Variants in IP6K1 observed in about 807,000 individuals in gnomAD.
IP6K1 encodes the protein inositol hexakisphosphate kinase 1.
A neutral mutation model predicts 38.3 loss-of-function variants in IP6K1; 13 were observed. The observed-to-expected ratio is 0.34, with a 90% CI of 0.22 to 0.54. The LOEUF (loss-of-function observed/expected upper bound fraction) is 0.54, where lower values mean the gene tolerates loss of function less well. Among genes scored for constraint, IP6K1 ranks in the 20% least tolerant of loss-of-function variants. The pLI is 0.92. For synonymous variants in IP6K1, 212 were observed against 229.9 expected (o/e 0.92, Z 0.70); for missense variants, 397 against 599.8 (o/e 0.66, Z 3.53).
At chr3:49,779,876 T>C (rs1238338274) in intron 1 of IP6K1, among the ~76,000 whole-genome samples, 3 of 151,938 alleles carry the variant, frequency 2.0e-5, no homozygotes, top group Non-Finnish European at 4.4e-5. Context: ...TTTGCAGAGA[T>C]GGGGTCTCAC....
chr3:49,750,118 G>A (rs566524278), intron 1 of IP6K1, among the ~76,000 whole-genome samples: 4 of 152,212 alleles, frequency 2.6e-5, no homozygotes, highest in African/African-American at 4.8e-5. Context: ...TTTCCACCAC[G>A]TAGTAAATAC....
At chr3:49,750,758 C>G (rs1160586698) in intron 1 of IP6K1, among the ~76,000 whole-genome samples, 1 of 152,006 alleles carries the variant, frequency 6.6e-6, no homozygotes, top group Non-Finnish European at 1.5e-5. Flanking sequence ...TCTGTGGCAA[C>G]TTCTGCAGCT....
chr3:49,743,919 G>A (rs955369822), intron 2 of IP6K1, among the ~76,000 whole-genome samples: 7 of 151,642 alleles, frequency 4.6e-5, no homozygotes, highest in East Asian at 2.0e-4. Flanking sequence ...CATGCCCGGC[G>A]GAGCCATGGT....
chr3:49,782,117 C>T (rs1378887758), intron 1 of IP6K1, among the ~76,000 whole-genome samples: 1 of 151,412 alleles, frequency 6.6e-6, no homozygotes, highest in African/African-American at 2.4e-5. Context: ...AATAAAAATA[C>T]TAAAGTTTAC....
At chr3:49,782,574 G>A (rs1397500989) in intron 1 of IP6K1, among the ~76,000 whole-genome samples, 3 of 152,146 alleles carry the variant, frequency 2.0e-5, no homozygotes, top group Admixed American at 2.0e-4. Flanking sequence ...ACCCGAGGCA[G>A]GAGGATCATT....
At chr3:49,744,895 A>T (rs1192537216) in intron 2 of IP6K1, among the ~76,000 whole-genome samples, 1 of 152,242 alleles carries the variant, frequency 6.6e-6, no homozygotes, top group Non-Finnish European at 1.5e-5. Context: ...ATAATATTTC[A>T]TATCTTGGCA....
intron 3 of IP6K1, among the ~76,000 whole-genome samples, 166 bp from the exon 4 acceptor site, chr3:49,733,138 G>A (rs1195948848): frequency 6.6e-6 from 1 of 152,170 alleles, no homozygotes; most frequent in African/African-American, 2.4e-5. Context: ...GTTATGAGTA[G>A]TGTTCTTCCT....
At chr3:49,784,674 C>G (rs912867067) in intron 1 of IP6K1, among the ~76,000 whole-genome samples, 19 of 150,376 alleles carry the variant, frequency 1.3e-4, no homozygotes, top group Non-Finnish European at 1.5e-4. Context: ...AGGCTTGGCG[C>G]GGTGGCTCAT....
At chr3:49,774,721 G>C (rs2080991449) in intron 1 of IP6K1, among the ~76,000 whole-genome samples, 1 of 152,158 alleles carries the variant, frequency 6.6e-6, no homozygotes, top group Non-Finnish European at 1.5e-5. Flanking sequence ...AGAACACTTA[G>C]CTAGGGCTCT....
intron 1 of IP6K1, among the ~76,000 whole-genome samples, chr3:49,781,340 G>A (rs1238957428): frequency 6.6e-6 from 1 of 152,198 alleles, no homozygotes; most frequent in East Asian, 1.9e-4. Context: ...TGGGATTACA[G>A]GCGTGACCCA....
intron 1 of IP6K1, among the ~76,000 whole-genome samples, chr3:49,769,469 G>T (rs1262150865): frequency 6.6e-6 from 1 of 152,134 alleles, no homozygotes; most frequent in Non-Finnish European, 1.5e-5. Context: ...AGAGTCAATT[G>T]TTTTTGGGAT....
intron 1 of IP6K1, among the ~76,000 whole-genome samples, chr3:49,768,049 A>C (rs893500527): frequency 6.6e-6 from 1 of 152,102 alleles, no homozygotes; most frequent in East Asian, 1.9e-4. Context: ...AAAAAAAAAA[A>C]ATAGAAAATA....
chr3:49,741,021 G>A (rs1274184673), intron 2 of IP6K1, among the ~76,000 whole-genome samples: 1 of 151,978 alleles, frequency 6.6e-6, no homozygotes, highest in Non-Finnish European at 1.5e-5. Context: ...GCTACTTTTT[G>A]TATTTTTTAG....
intron 4 of IP6K1, 42 bp from the exon 5 acceptor site, chr3:49,728,320 A>G: frequency 6.3e-7 from 1 of 1,592,370 alleles, no homozygotes; most frequent in Non-Finnish European, 8.6e-7. Flanking sequence ...ACTCACCATC[A>G]GCCCCAGCCA....
In IP6K1 at chr3:49,726,118, T is replaced by A. The variant is rs1575299837; in HGVS notation, c.*1004A>T. 1 of 152,546 alleles carries A rather than the reference T, an allele frequency of 6.6e-6. No individual in the cohort carries two copies. Among genetic ancestry groups the A allele is most frequent in the Non-Finnish European group, 1.5e-5 (1 of 68,070 alleles). 9.4% of individuals were successfully genotyped at this position (152,546 alleles called of 1,614,324 possible). ...ACCTGCACCCAGGGCCCATACCACGTCCCTGTGAGCAAAAAAGCTTAAAGT... is the reference window on the plus strand; with the variant it reads ...ACCTGCACCCAGGGCCCATACCACGACCCTGTGAGCAAAAAAGCTTAAAGT... On this transcript the variant is annotated 3_prime_UTR_variant, in exon 6 of 6. Transcript: ENST00000321599.
chr3:49,747,992 T>G lies in IP6K1; in HGVS notation c.49A>C (p.Ser17Arg). The change falls in exon 2 of 6, where the codon AGT (serine) becomes CGT (arginine). Residue 17 changes from serine (S) to arginine (R), a missense_variant. Physicochemically the swap from Ser to Arg is moderately radical, Grantham distance 110. This residue lies in a region of IP6K1 where 171 missense variants were observed against 237.0 expected (regional missense o/e 0.72). Coordinates refer to ENST00000321599, the MANE Select transcript of IP6K1 (RefSeq NM_153273.4). ...MEVGQYGKNA[S>R]RAGDRGVLLE... ...AGGACTCCCCGGTCTCCAGCCCGAC[T>G]TGCATTCTTGCCATACTGCCCCACT... The G allele has an allele frequency of 6.2e-7, 1 of 1,613,936 alleles. No individual in the cohort carries two copies. The highest frequency in any genetic ancestry group is 8.5e-7 in the Non-Finnish European group (1 of 1,180,042).
In IP6K1 at chr3:49,728,063, G is replaced by T. The variant is rs759038530; in HGVS notation, c.792+40C>A. ...CAGGTATGAGCACAACCCAAATCAT[G>T]CAAGTGGCAGCACCTAGGCTCTGAG... On this transcript the variant is annotated intron_variant, in intron 5 of 5. Transcript: ENST00000321599. The T allele has an allele frequency of 5.1e-6, 8 of 1,582,668 alleles. No individual in the cohort carries two copies. In the African/African-American group the frequency reaches 9.4e-5, roughly 19 times the overall value.
At chr3:49,734,559 CCCTCT>C (rs1439875714) in intron 3 of IP6K1, among the ~76,000 whole-genome samples, 2 of 122,122 alleles carry the variant, frequency 1.6e-5, no homozygotes, top group South Asian at 2.8e-4. Context: ...GAAATGCTAA[CCCTCT>C]CCAAGGGTCA....
intron 1 of IP6K1, among the ~76,000 whole-genome samples, chr3:49,780,091 C>A (rs2081051747): frequency 6.6e-6 from 1 of 152,026 alleles, no homozygotes; most frequent in African/African-American, 2.4e-5. Context: ...ACCCTGCCCT[C>A]CTTTTATATA....
Sources: gnomAD v4.1 joint callset for allele counts (sites outside exome capture counted in the v4.1 genomes callset) on GRCh38, gnomAD v4.1.1 for gene constraint, gnomAD v4.1.1 regional missense constraint, MANE v1.5 for transcripts, NCBI Gene and HGNC (gene_info 2026-07-23, HGNC 2026-07-21) for gene names.